Variants in DLGAP1 observed in about 807,000 individuals in gnomAD.
The protein encoded by DLGAP1 is DLG associated protein 1, also known as disks large-associated protein 1.
Under a neutral mutation model 90.8 loss-of-function variants are expected in DLGAP1, and 11 were observed. That is an observed-to-expected ratio of 0.12 (90% confidence interval 0.08 to 0.20). The LOEUF is 0.20. Among genes scored for constraint, DLGAP1 ranks in the 10% least tolerant of loss-of-function variants. DLGAP1 has a pLI of 1.00. For synonymous variants in DLGAP1, 558 were observed against 540.7 expected, an observed-to-expected ratio of 1.03 and a Z score of -0.44; for missense variants, 1,050 against 1,333.8, an observed-to-expected ratio of 0.79 and a Z score of 3.31.
In DLGAP1 at chr18:3,582,035, G is replaced by A. The variant is rs1311848689; in HGVS notation, c.1805C>T (p.Ala602Val). 1 of 1,613,566 alleles carries A rather than the reference G, an allele frequency of 6.2e-7. No individual in the cohort carries two copies. Among genetic ancestry groups the A allele is most frequent in the Non-Finnish European group, 8.5e-7 (1 of 1,179,960 alleles). The change falls in exon 8 of 13, where the codon GCC (alanine) becomes GTC (valine). Residue 602 changes from alanine to valine, a missense_variant. Around this residue, in one of 2 missense-constraint regions of DLGAP1, gnomAD observed 565 missense variants for 879.7 expected, o/e 0.64. Transcript: ENST00000315677. ...SLDSMKALTA[A>V]IEAANAQIHG... is the part of the protein sequence containing the mutation. ...GATCTGGGCGTTTGCAGCTTCGATG[G>A]CGGCTGTCAGAGCCTTCATACTGTC...
intron 4 of DLGAP1, among the ~76,000 whole-genome samples, chr18:3,826,606 T>A (rs1037508436): frequency 6.6e-6 from 1 of 151,176 alleles, no homozygotes; most frequent in Non-Finnish European, 1.5e-5. Flanking sequence ...GCCAGGTGAG[T>A]GGAGTGGAGT....
At chr18:3,815,314 T>C (rs1190712804) in intron 4 of DLGAP1, among the ~76,000 whole-genome samples, 6 of 152,236 alleles carry the variant, frequency 3.9e-5, no homozygotes, top group African/African-American at 1.2e-4. Context: ...TCAGCTTCCT[T>C]AGATCTGCTT....
At chr18:3,892,114 A>AACACACACACAC (rs3985698) in intron 3 of DLGAP1, 13 of 132,402 alleles carry the variant, frequency 9.8e-5, no homozygotes, top group East Asian at 2.4e-4. Context: ...TCACCTCTAA[A>AACACACACACAC]ACACACACAC....
intron 5 of DLGAP1, among the ~76,000 whole-genome samples, chr18:3,744,950 G>A (rs993149172): frequency 6.6e-6 from 1 of 152,176 alleles, no homozygotes; most frequent in East Asian, 1.9e-4. Context: ...CAACCCAAAT[G>A]TCTAACTCTG....
rs111631542 is a variant in DLGAP1, at chr18:4,379,560, T to C, written c.-267+75446A>G. Reference sequence around the variant, plus strand: ...GATGCCAACTCATACCAATCATTCCTGAATACATCACACAAAATCTGCACT... The same window carrying C: ...GATGCCAACTCATACCAATCATTCCCGAATACATCACACAAAATCTGCACT... On this transcript the variant is annotated intron_variant, in intron 1 of 12. Coordinates refer to ENST00000315677, the MANE Select transcript of DLGAP1 (RefSeq NM_004746.4). Among the ~76,000 whole-genome samples the C allele has an allele frequency of 3.1e-3, 479 of 152,242 alleles. 1 individual carries two copies. Among genetic ancestry groups the C allele is most frequent in the Non-Finnish European group, 4.4e-3 (300 of 68,010 alleles).
intron 1 of DLGAP1, among the ~76,000 whole-genome samples, chr18:4,240,668 T>C (rs1276217444): frequency 1.3e-5 from 2 of 152,212 alleles, no homozygotes; most frequent in African/African-American, 4.8e-5. Flanking sequence ...ATTCACATAA[T>C]CAGAGCCTTT....
intron 7 of DLGAP1, among the ~76,000 whole-genome samples, chr18:3,686,175 A>AAAACAAAC (rs59979923): frequency 2.6e-5 from 4 of 151,098 alleles, no homozygotes; most frequent in South Asian, 2.1e-4. Flanking sequence ...ACTCCATTTC[A>AAAACAAAC]AAACAAACAA....
chr18:4,119,239 G>A (rs541400998), intron 2 of DLGAP1, among the ~76,000 whole-genome samples: 2 of 152,224 alleles, frequency 1.3e-5, no homozygotes, highest in East Asian at 3.9e-4. Flanking sequence ...CTATAGGCAT[G>A]TGCCACCATG....
At chr18:4,143,841 C>G (rs2076535570) in intron 2 of DLGAP1, among the ~76,000 whole-genome samples, 1 of 152,138 alleles carries the variant, frequency 6.6e-6, no homozygotes, top group South Asian at 2.1e-4. Flanking sequence ...GTGATGAATC[C>G]TGCCAGGACT....
chr18:3,654,956 A>C (rs2146504586), intron 7 of DLGAP1: 1 of 152,276 alleles, frequency 6.6e-6, no homozygotes, highest in South Asian at 2.1e-4. Context: ...ATGGTACTAA[A>C]TCCGCCAAAG....
chr18:4,078,455 T>C (rs2075556589), intron 2 of DLGAP1, among the ~76,000 whole-genome samples: 1 of 152,106 alleles, frequency 6.6e-6, no homozygotes, highest in African/African-American at 2.4e-5. Context: ...GGAATGGACG[T>C]TTTTAATAGC....
At chr18:4,358,166 G>A (rs1421638858) in intron 1 of DLGAP1, among the ~76,000 whole-genome samples, 1 of 152,138 alleles carries the variant, frequency 6.6e-6, no homozygotes, top group African/African-American at 2.4e-5. Flanking sequence ...CCATGAAGTC[G>A]ATATTTGAGA....
chr18:4,268,145 T>G (rs1050609040), intron 1 of DLGAP1, among the ~76,000 whole-genome samples: 8 of 152,310 alleles, frequency 5.3e-5, no homozygotes, highest in Middle Eastern at 3.4e-3. Flanking sequence ...TCTGCACAAT[T>G]AAAACTGTTA....
chr18:3,719,359 G>A (rs1056682379), intron 7 of DLGAP1, among the ~76,000 whole-genome samples: 2 of 151,466 alleles, frequency 1.3e-5, no homozygotes, highest in Non-Finnish European at 2.9e-5. Flanking sequence ...GAGGTCAGGA[G>A]ATCAAGACCT....
chr18:4,355,000 C>T (rs1219786513), intron 1 of DLGAP1, among the ~76,000 whole-genome samples: 1 of 149,656 alleles, frequency 6.7e-6, no homozygotes, highest in Non-Finnish European at 1.5e-5. Flanking sequence ...GATGCAGAGA[C>T]TCTGGGTCAT....
chr18:4,022,318 TCACAGCCCCCTC>T (rs1239766925), intron 2 of DLGAP1, among the ~76,000 whole-genome samples: 1 of 150,618 alleles, frequency 6.6e-6, no homozygotes, highest in Non-Finnish European at 1.5e-5. Flanking sequence ...GTCTCTAATC[TCACAGCCCCCTC>T]CAACCATAGT....
At chr18:4,089,497 A>G (rs912564827) in intron 2 of DLGAP1, among the ~76,000 whole-genome samples, 3 of 152,194 alleles carry the variant, frequency 2.0e-5, no homozygotes, top group African/African-American at 7.2e-5. Context: ...TAGCCAAGAC[A>G]ATCCTAAGCA....
At chr18:4,269,351 TA>T (rs1180893367) in intron 1 of DLGAP1, among the ~76,000 whole-genome samples, 2,036 of 127,066 alleles carry the variant, frequency 0.016, 54 homozygotes, top group African/African-American at 0.062. Flanking sequence ...TATATATATA[TA>T]TATTTTTTTT....
At chr18:4,158,614 C>T (rs1397531426) in intron 1 of DLGAP1, among the ~76,000 whole-genome samples, 1 of 152,178 alleles carries the variant, frequency 6.6e-6, no homozygotes, top group Non-Finnish European at 1.5e-5. Context: ...TTCTCCTCAA[C>T]GTCTTCTCTC....
Sources: gnomAD v4.1 joint callset for allele counts (sites outside exome capture counted in the v4.1 genomes callset) on GRCh38, gnomAD v4.1.1 for gene constraint, gnomAD v4.1.1 regional missense constraint, MANE v1.5 for transcripts, NCBI Gene and HGNC (gene_info 2026-07-23, HGNC 2026-07-21) for gene names.